The following ENOX1 variants were observed in gnomAD, a reference collection of about 807,000 sequenced individuals.
ENOX1 encodes the protein ecto-NOX disulfide-thiol exchanger 1, also known as candidate growth-related and time keeping constitutive hydroquinone (NADH) oxidase.
Under a neutral mutation model 82.5 loss-of-function variants are expected in ENOX1, and 42 were observed. The observed-to-expected ratio is 0.51, with a 90% CI of 0.40 to 0.66. The LOEUF is 0.66. Among genes scored for constraint, ENOX1 ranks in the 30% least tolerant of loss-of-function variants. The pLI is 0.00. For synonymous variants in ENOX1, 271 were observed against 282.2 expected, an observed-to-expected ratio of 0.96 and a Z score of 0.40; for missense variants, 608 against 811.6, an observed-to-expected ratio of 0.75 and a Z score of 3.05.
intron 3 of ENOX1, among the ~76,000 whole-genome samples, chr13:43,477,366 C>CT (rs1194393008): frequency 6.6e-6 from 1 of 151,870 alleles, no homozygotes. Flanking sequence ...TAGGTTTAAG[C>CT]TACTTGACAA....
At chr13:43,450,491 G>A (rs1566252404) in intron 3 of ENOX1, among the ~76,000 whole-genome samples, 1 of 152,194 alleles carries the variant, frequency 6.6e-6, no homozygotes, top group Non-Finnish European at 1.5e-5. Context: ...GCTACCTGGG[G>A]AGGCACCAGG....
At chr13:43,219,236 G>T (rs2041655959) in intron 16 of ENOX1, among the ~76,000 whole-genome samples, 1 of 152,178 alleles carries the variant, frequency 6.6e-6, no homozygotes, top group South Asian at 2.1e-4. Context: ...TATGAATCCA[G>T]CCCGGCTTTC....
At chr13:43,768,637 T>C (rs1050501394) in intron 1 of ENOX1, among the ~76,000 whole-genome samples, 10 of 152,256 alleles carry the variant, frequency 6.6e-5, no homozygotes, top group African/African-American at 2.2e-4. Flanking sequence ...CATAAATAAA[T>C]ATTTAATTTG....
chr13:43,746,199 G>C (rs1370031276), intron 1 of ENOX1, among the ~76,000 whole-genome samples: 1 of 151,914 alleles, frequency 6.6e-6, no homozygotes, highest in Non-Finnish European at 1.5e-5. Flanking sequence ...GAAAGAAAAA[G>C]TTTAAAGCAA....
chr13:43,628,198 C>T (rs943453509), intron 2 of ENOX1, among the ~76,000 whole-genome samples: 6 of 152,128 alleles, frequency 3.9e-5, no homozygotes, highest in African/African-American at 1.4e-4. Flanking sequence ...CAGCACTGCT[C>T]TCTTTCTCCT....
chr13:43,528,336 T>A (rs1312863113), intron 2 of ENOX1, among the ~76,000 whole-genome samples: 1 of 152,138 alleles, frequency 6.6e-6, no homozygotes, highest in Non-Finnish European at 1.5e-5. Context: ...TACATAGGAC[T>A]GTTGTCTTAC....
chr13:43,259,749 C>T (rs186902518), intron 14 of ENOX1, among the ~76,000 whole-genome samples: 43 of 152,318 alleles, frequency 2.8e-4, no homozygotes, highest in Non-Finnish European at 4.9e-4. Context: ...GCTGGGATTA[C>T]AGGTGTGAGC....
intron 1 of ENOX1, among the ~76,000 whole-genome samples, chr13:43,691,381 C>T (rs560685990): frequency 6.6e-6 from 1 of 151,868 alleles, no homozygotes; most frequent in African/African-American, 2.4e-5. Flanking sequence ...CCATCCTACT[C>T]GTCTTCCATG....
At chr13:43,562,959 T>G (rs1427217164) in intron 2 of ENOX1, among the ~76,000 whole-genome samples, 2 of 152,108 alleles carry the variant, frequency 1.3e-5, no homozygotes, top group African/African-American at 4.8e-5. Context: ...ACACCCCACT[T>G]TCAGCATTAG....
intron 2 of ENOX1, among the ~76,000 whole-genome samples, chr13:43,507,185 G>A (rs1467221602): frequency 6.6e-6 from 1 of 151,748 alleles, no homozygotes; most frequent in Non-Finnish European, 1.5e-5. Context: ...GAAGACAAAA[G>A]ACAAAGGATA....
At chr13:43,734,263 A>C (rs1489337306) in intron 1 of ENOX1, among the ~76,000 whole-genome samples, 1 of 151,928 alleles carries the variant, frequency 6.6e-6, no homozygotes, top group African/African-American at 2.4e-5. Context: ...CCTAGTTTCC[A>C]CTTAATGGCA....
intron 2 of ENOX1, among the ~76,000 whole-genome samples, chr13:43,527,403 A>G (rs972128558): frequency 2.6e-5 from 4 of 152,102 alleles, no homozygotes; most frequent in Non-Finnish European, 4.4e-5. Flanking sequence ...ACTTAACTGC[A>G]TATTTCTCCC....
chr13:43,719,601 T>C (rs1377425287), intron 1 of ENOX1, among the ~76,000 whole-genome samples: 1 of 152,082 alleles, frequency 6.6e-6, no homozygotes, highest in Non-Finnish European at 1.5e-5. Flanking sequence ...ACAAAACACC[T>C]GATTAATCCC....
chr13:43,676,514 C>T (rs541449341), intron 1 of ENOX1, among the ~76,000 whole-genome samples: 1 of 152,156 alleles, frequency 6.6e-6, no homozygotes, highest in Non-Finnish European at 1.5e-5. Flanking sequence ...GGGTGTCCGC[C>T]TCTATGTTTG....
intron 12 of ENOX1, among the ~76,000 whole-genome samples, chr13:43,292,797 ATCC>A (rs2046075288): frequency 6.6e-6 from 1 of 151,234 alleles, no homozygotes; most frequent in Admixed American, 6.6e-5. Flanking sequence ...CATAGTCATC[ATCC>A]TCACCATAAC....
intron 5 of ENOX1, among the ~76,000 whole-genome samples, chr13:43,366,438 C>T (rs974059942): frequency 6.6e-6 from 1 of 152,168 alleles, no homozygotes; most frequent in Non-Finnish European, 1.5e-5. Flanking sequence ...CCATGCCTGG[C>T]TAATTTTTTT....
chr13:43,662,503 C>G (rs1204258215), intron 2 of ENOX1, among the ~76,000 whole-genome samples: 3 of 152,202 alleles, frequency 2.0e-5, no homozygotes, highest in Non-Finnish European at 4.4e-5. Flanking sequence ...GGCAGTTTAA[C>G]TGATTTTCAA....
chr13:43,425,052 G>T (rs980328518), intron 3 of ENOX1, among the ~76,000 whole-genome samples: 1 of 152,128 alleles, frequency 6.6e-6, no homozygotes, highest in Admixed American at 6.5e-5. Context: ...TGTCCAAAAG[G>T]TATTCAGGCT....
intron 11 of ENOX1, among the ~76,000 whole-genome samples, chr13:43,310,843 T>TA (rs2047160476): frequency 6.6e-6 from 1 of 151,852 alleles, no homozygotes; most frequent in Non-Finnish European, 1.5e-5. Context: ...GGTCACCTCA[T>TA]AAACTTGCCC....
Sources: gnomAD v4.1 joint callset for allele counts (sites outside exome capture counted in the v4.1 genomes callset) on GRCh38, gnomAD v4.1.1 for gene constraint, MANE v1.5 for transcripts, NCBI Gene and HGNC (gene_info 2026-07-23, HGNC 2026-07-21) for gene names.